The following GID4 variants were observed in gnomAD, a reference collection of about 807,000 sequenced individuals.
The protein encoded by GID4 is GID complex subunit 4 homolog.
Under a neutral mutation model 32.4 loss-of-function variants are expected in GID4, and 7 were observed. The ratio of observed to expected loss-of-function variants is 0.22; its 90% CI spans 0.12 to 0.41. The LOEUF (loss-of-function observed/expected upper bound fraction) is 0.41, where lower values mean the gene tolerates loss of function less well. GID4 is among the 10% of genes least tolerant of loss of function. GID4 has a pLI of 1.00. For missense variants in GID4, 309 were observed against 400.0 expected (o/e 0.77, Z 1.94); for synonymous variants, 166 against 170.0 (o/e 0.98, Z 0.18).
In GID4 at chr17:18,065,416, G is replaced by T. The variant is rs976875552; in HGVS notation, c.*173G>T. The T allele has an allele frequency of 2.1e-5, 13 of 623,392 alleles. No homozygotes were observed. Among genetic ancestry groups the T allele is most frequent in the South Asian group, 2.0e-4 (11 of 54,272 alleles). 38.6% of individuals were successfully genotyped at this position (623,392 alleles called of 1,614,324 possible). On this transcript the variant is annotated 3_prime_UTR_variant, in exon 6 of 6. Coordinates refer to ENST00000268719, the MANE Select transcript of GID4 (RefSeq NM_024052.5). Reference sequence around the variant, plus strand: ...AGAATCCAAGGAGCATGGCTGGCCCGTGGGGCAGGTGGAGGGAGCAGTCTT... The same window carrying T: ...AGAATCCAAGGAGCATGGCTGGCCCTTGGGGCAGGTGGAGGGAGCAGTCTT...
chr17:18,060,728 T>G (rs1404819482), intron 4 of GID4, among the ~76,000 whole-genome samples: 9 of 151,532 alleles, frequency 5.9e-5, no homozygotes, highest in African/African-American at 2.2e-4. Context: ...AATTTTTGGG[T>G]TTTTTTGTTT....
intron 3 of GID4, among the ~76,000 whole-genome samples, chr17:18,054,947 G>A (rs929002644): frequency 3.3e-5 from 5 of 152,158 alleles, no homozygotes; most frequent in Admixed American, 1.3e-4. Flanking sequence ...CGAGGCGGGC[G>A]GATCACCAGG....
chr17:18,052,607 CT>C (rs1172660289), intron 2 of GID4, among the ~76,000 whole-genome samples: 4 of 152,144 alleles, frequency 2.6e-5, no homozygotes, highest in African/African-American at 9.7e-5. Flanking sequence ...GCAAGGTAGC[CT>C]GAGAGGTGGG....
At chr17:18,060,281 C>G (rs2045007149) in intron 4 of GID4, among the ~76,000 whole-genome samples, 2 of 149,418 alleles carry the variant, frequency 1.3e-5, no homozygotes, top group East Asian at 2.0e-4. Flanking sequence ...GCCTGTAATC[C>G]CAGCTACTCG....
chr17:18,056,210 G>A (rs2044965570), intron 3 of GID4, among the ~76,000 whole-genome samples: 1 of 152,224 alleles, frequency 6.6e-6, no homozygotes, highest in South Asian at 2.1e-4. Flanking sequence ...CTGAGGTTCA[G>A]TTAAATTTAA....
intron 5 of GID4, among the ~76,000 whole-genome samples, chr17:18,064,240 A>G (rs953243567): frequency 1.9e-4 from 29 of 152,270 alleles, no homozygotes; most frequent in African/African-American, 7.0e-4. Context: ...AGGAACTGCC[A>G]AACTGTTTCC....
rs2045053856 is a variant in GID4, at chr17:18,065,536, C to T, written c.*293C>T. The T allele has an allele frequency of 2.5e-6, 1 of 395,346 alleles. No homozygotes were observed. The highest frequency in any genetic ancestry group is 2.4e-5 in the South Asian group (1 of 41,830). 24.5% of individuals were successfully genotyped at this position (395,346 alleles called of 1,614,324 possible). The stretch of plus-strand genomic sequence containing the variant: ...TCCTGCACAGCTAACTTCTACATCA[C>T]TGAAATGCCCATTCCTTCCTCCGTC... On this transcript the variant is annotated 3_prime_UTR_variant, in exon 6 of 6. Coordinates refer to ENST00000268719, the MANE Select transcript of GID4 (RefSeq NM_024052.5).
chr17:18,045,532 T>C (rs1293702904), intron 2 of GID4, among the ~76,000 whole-genome samples: 2 of 152,162 alleles, frequency 1.3e-5, no homozygotes, highest in African/African-American at 4.8e-5. Context: ...TAACAGTTTC[T>C]GAGATAAGCA....
Position 18,068,056 on chromosome 17 carries a change from A to C in GID4, c.*2813A>C, listed in dbSNP as rs550692608. 2.0e-5 allele frequency: 3 copies of C among 152,732 alleles called. No individual in the cohort carries two copies. The highest frequency in any genetic ancestry group is 2.9e-5 in the Non-Finnish European group (2 of 68,020). 9.5% of individuals were successfully genotyped at this position (152,732 alleles called of 1,614,324 possible). A position where few individuals can be genotyped will look rare whatever the true frequency, so the allele number is the denominator to read the frequency against. On this transcript the variant is annotated 3_prime_UTR_variant, in exon 6 of 6. Coordinates refer to ENST00000268719, the MANE Select transcript of GID4 (RefSeq NM_024052.5). ...CTCCAGAGGAGCAAAGGGGTTTTTC[A>C]ATGTCTTTTGCTTTCAGAAACAGAG...
intron 4 of GID4, among the ~76,000 whole-genome samples, chr17:18,060,900 A>G (rs1375572624): frequency 6.6e-6 from 1 of 151,876 alleles, no homozygotes. Flanking sequence ...TGCCCTGCTA[A>G]TTTTTTGTAT....
chr17:18,060,797 G>A (rs548921464), intron 4 of GID4, among the ~76,000 whole-genome samples: 7 of 152,076 alleles, frequency 4.6e-5, no homozygotes, highest in Admixed American at 1.3e-4. Flanking sequence ...GCAATGGCGC[G>A]ATCTCGGTTC....
intron 2 of GID4, among the ~76,000 whole-genome samples, chr17:18,049,517 A>G (rs536448419): frequency 8.0e-4 from 121 of 152,182 alleles, no homozygotes; most frequent in Non-Finnish European, 9.4e-4. Context: ...CGGTTTACCT[A>G]TGTAACTGTT....
At chr17:18,042,087 C>G (rs542609020) in intron 1 of GID4, among the ~76,000 whole-genome samples, 10 of 152,216 alleles carry the variant, frequency 6.6e-5, no homozygotes, top group Non-Finnish European at 1.2e-4. Context: ...TCAGACACAG[C>G]CTTCTTAGAC....
intron 2 of GID4, among the ~76,000 whole-genome samples, chr17:18,047,916 T>G (rs1429257247): frequency 6.6e-6 from 1 of 152,166 alleles, no homozygotes; most frequent in African/African-American, 2.4e-5. Flanking sequence ...TTTTTTTTTT[T>G]TTGAGATGGA....
intron 2 of GID4, among the ~76,000 whole-genome samples, chr17:18,049,327 C>A (rs1422089995): frequency 7.8e-6 from 1 of 127,962 alleles, no homozygotes; most frequent in Admixed American, 9.0e-5. Flanking sequence ...CAGAGTGAGA[C>A]TTCGTGTCAA....
At position 18,067,680 on chromosome 17, in the gene GID4, A is replaced by G. The variant is rs942217114; in HGVS notation, c.*2437A>G. 10 of 152,550 alleles carry G rather than the reference A, an allele frequency of 6.6e-5. No individual in the cohort carries two copies. The highest frequency in any genetic ancestry group is 1.7e-4 in the African/African-American group (7 of 41,410). The allele number at this position is 152,550 out of a possible 1,614,324, so 9.4% of individuals were successfully genotyped here. A position where few individuals can be genotyped will look rare whatever the true frequency, so the allele number is the denominator to read the frequency against. ...CTTCATCCGTAGTTACGCTTTCCTG[A>G]ACCTTCTCAGTGGTTTACATGCCTC... On this transcript the variant is annotated 3_prime_UTR_variant, in exon 6 of 6. Coordinates refer to ENST00000268719, the MANE Select transcript of GID4 (RefSeq NM_024052.5).
intron 2 of GID4, among the ~76,000 whole-genome samples, chr17:18,053,139 G>A (rs1158752605): frequency 1.4e-5 from 2 of 142,526 alleles, no homozygotes; most frequent in Non-Finnish European, 3.0e-5. Flanking sequence ...TCAGCCTCCC[G>A]AGTAGGTGGG....
chr17:18,058,142 A>G (rs926588564), intron 3 of GID4, among the ~76,000 whole-genome samples: 2 of 152,114 alleles, frequency 1.3e-5, no homozygotes. Context: ...GGATGTATAG[A>G]TTTTTTGTTC....
At position 18,039,438 on chromosome 17, in the gene GID4, TGTGTCTGTGA is replaced by T. The variant is rs1202802123; in HGVS notation, c.-17_-8del. The T allele has an allele frequency of 5.1e-6, 7 of 1,365,672 alleles. No homozygotes were observed. Among genetic ancestry groups the T allele is most frequent in the Non-Finnish European group, 6.7e-6 (7 of 1,047,958 alleles). 84.6% of individuals were successfully genotyped at this position (1,365,672 alleles called of 1,614,324 possible). A position where few individuals can be genotyped will look rare whatever the true frequency, so the allele number is the denominator to read the frequency against. Reference sequence around the variant, plus strand: ...TGTGTCTGTGTGTGTTTGTGTGTTGTGTGTCTGTGAGTGTCTGTGTGTGTGTATGTGTGCG... The same window carrying T: ...TGTGTCTGTGTGTGTTTGTGTGTTGTGTGTCTGTGTGTGTGTATGTGTGCG... On this transcript the variant is annotated 5_prime_UTR_variant, in exon 1 of 6. Coordinates refer to ENST00000268719, the MANE Select transcript of GID4 (RefSeq NM_024052.5). This position sits in a 1 kb window ranked among gnomAD's most constrained non-coding sequence, Gnocchi z 5.3.
Sources: gnomAD v4.1 joint callset for allele counts (sites outside exome capture counted in the v4.1 genomes callset) on GRCh38, gnomAD v4.1.1 for gene constraint, Gnocchi (gnomAD v3.1) non-coding constraint, MANE v1.5 for transcripts, NCBI Gene and HGNC (gene_info 2026-07-23, HGNC 2026-07-21) for gene names.